ARHGEF18: variants seen among roughly 807,000 people sequenced by gnomAD.
ARHGEF18 encodes the protein Rho/Rac guanine nucleotide exchange factor 18.
A neutral mutation model predicts 155.7 loss-of-function variants in ARHGEF18; 93 were observed. The ratio of observed to expected loss-of-function variants is 0.60; its 90% CI spans 0.50 to 0.71. The LOEUF is 0.71. ARHGEF18 is among the 30% of genes least tolerant of loss of function. The pLI is 0.00. For missense variants in ARHGEF18, 1,593 were observed against 1,816.1 expected, an observed-to-expected ratio of 0.88 and a Z score of 2.23; for synonymous variants, 742 against 753.1, an observed-to-expected ratio of 0.99 and a Z score of 0.24.
At position 7,355,757 on chromosome 19, in the gene ARHGEF18, G is replaced by A. The variant is rs924133921; in HGVS notation, c.-111+6516G>A. The A allele has an allele frequency of 7.2e-6, 7 of 974,108 alleles. No individual in the cohort carries two copies. In the African/African-American group the frequency reaches 1.2e-4, roughly 17 times the overall value. The allele number at this position is 974,108 out of a possible 1,614,324, so 60.3% of individuals were successfully genotyped here. On this transcript the variant is annotated intron_variant, in intron 1 of 28. Transcript: ENST00000668164. ...CCATCCACCCAGGTGGGGATCCCAG[G>A]ACAGCCTGCCCGCCATCCCCCTTCG...
intron 2 of ARHGEF18, among the ~76,000 whole-genome samples, chr19:7,367,746 C>CAAAAA (rs776839774): frequency 2.8e-4 from 10 of 36,348 alleles, no homozygotes; most frequent in African/African-American, 1.4e-3. Flanking sequence ...AACTCCATCT[C>CAAAAA]AAAAAAAAAA....
intron 10 of ARHGEF18, among the ~76,000 whole-genome samples, chr19:7,424,722 G>A (rs374111439): frequency 5.9e-5 from 9 of 152,148 alleles, no homozygotes; most frequent in Admixed American, 2.6e-4. Flanking sequence ...TAGACTGGGC[G>A]CGGTGGCTCA....
chr19:7,398,504 A>G (rs1277852497), intron 10 of ARHGEF18, among the ~76,000 whole-genome samples: 1 of 152,020 alleles, frequency 6.6e-6, no homozygotes, highest in Non-Finnish European at 1.5e-5. Flanking sequence ...AGCCTGGCCA[A>G]CAGGGTGAAA....
chr19:7,397,142 A>T (rs1971758566), intron 10 of ARHGEF18, among the ~76,000 whole-genome samples: 1 of 151,544 alleles, frequency 6.6e-6, no homozygotes, highest in Non-Finnish European at 1.5e-5. Flanking sequence ...GTTCTAGAGC[A>T]AAAAAGAGCA....
intron 14 of ARHGEF18, among the ~76,000 whole-genome samples, chr19:7,446,240 G>T (rs1324149641): frequency 6.6e-6 from 1 of 151,650 alleles, no homozygotes. Context: ...AGGTGTGGTG[G>T]TGGCACCTGT....
intron 23 of ARHGEF18, 70 bp from the exon 24 acceptor site, chr19:7,466,848 G>GAAGAAGAAA: frequency 1.1e-5 from 8 of 753,112 alleles, no homozygotes; most frequent in South Asian, 3.7e-5. Flanking sequence ...AGAAGAAGAA[G>GAAGAAGAAA]AAGAAGGCTT....
chr19:7,413,964 T>C (rs910336259), intron 10 of ARHGEF18, among the ~76,000 whole-genome samples: 1 of 152,168 alleles, frequency 6.6e-6, no homozygotes, highest in Non-Finnish European at 1.5e-5. Context: ...AAGCTGGAGA[T>C]GACAGACAGC....
rs1976569670 is a variant in ARHGEF18, at chr19:7,465,749, G to C, written c.2904+1059G>C. On this transcript the variant is annotated intron_variant, in intron 23 of 28. Transcript: ENST00000668164. Reference sequence around the variant, plus strand: ...AGGCCATGAGTTTGAGACCAGCCTGGGCAACATAGCAAGACCACATGTCGA... The same window carrying C: ...AGGCCATGAGTTTGAGACCAGCCTGCGCAACATAGCAAGACCACATGTCGA... 2.6e-5 allele frequency among the ~76,000 whole-genome samples: 4 copies of C among 152,068 alleles called. No homozygotes were observed. In the South Asian group the frequency reaches 6.2e-4, roughly 24 times the overall value.
At chr19:7,435,879 G>C (rs1411166961) in intron 10 of ARHGEF18, among the ~76,000 whole-genome samples, 1 of 152,066 alleles carries the variant, frequency 6.6e-6, no homozygotes, top group Non-Finnish European at 1.5e-5. Flanking sequence ...TGTCACCCAG[G>C]CTGGAGTGCA....
intron 10 of ARHGEF18, among the ~76,000 whole-genome samples, chr19:7,429,337 T>C (rs774897544): frequency 2.3e-4 from 35 of 152,242 alleles, no homozygotes; most frequent in Admixed American, 7.9e-4. Context: ...GTGTGGCGGC[T>C]CATGCCTGTA....
chr19:7,467,751 G>T, intron 26 of ARHGEF18, 67 bp downstream of exon 26: 3 of 1,383,696 alleles, frequency 2.2e-6, no homozygotes, highest in Non-Finnish European at 2.8e-6. Context: ...TTGCACGAGT[G>T]CATGCAGGTG....
chr19:7,401,169 C>T (rs765277595), intron 10 of ARHGEF18, among the ~76,000 whole-genome samples: 15 of 152,264 alleles, frequency 9.9e-5, no homozygotes, highest in African/African-American at 1.9e-4. Flanking sequence ...CATCCTTGGG[C>T]GCTGGAGGCA....
In ARHGEF18 at chr19:7,378,882, G is replaced by A. The variant is rs957394432; in HGVS notation, c.600-240G>A. 4.0e-5 allele frequency among the ~76,000 whole-genome samples: 6 copies of A among 151,780 alleles called. No homozygotes were observed. The South Asian group carries it at 6.2e-4, about 16-fold the overall frequency. On this transcript the variant is annotated intron_variant, in intron 6 of 28. Transcript: ENST00000668164. ...TAATTTTTGTATTTCTAGTACAGAC[G>A]GGGTTTCACCATGTTGGCCAGGCTG...
chr19:7,361,312 C>A (rs920016382), intron 1 of ARHGEF18, among the ~76,000 whole-genome samples: 1 of 152,144 alleles, frequency 6.6e-6, no homozygotes, highest in African/African-American at 2.4e-5. Context: ...GTGGTGCATA[C>A]GTGTAATCCC....
intron 10 of ARHGEF18, among the ~76,000 whole-genome samples, chr19:7,384,477 G>A (rs1247639513): frequency 1.3e-5 from 2 of 152,212 alleles, no homozygotes; most frequent in African/African-American, 4.8e-5. Context: ...TTTTGCATTT[G>A]TTGGCTTTAC....
rs2287913 is a variant in ARHGEF18 at position 7,459,885 on chromosome 19, C to T, written c.2361-18C>T. On this transcript the variant is annotated intron_variant, in intron 19 of 28. Coordinates refer to ENST00000668164, the MANE Select transcript of ARHGEF18 (RefSeq NM_001367823.1). ...TGCCTGGGAAGCACAGTTACCCACCCGACTCCTCTCCCTGCAGCTGCCCTG... is the reference window on the plus strand; with the variant it reads ...TGCCTGGGAAGCACAGTTACCCACCTGACTCCTCTCCCTGCAGCTGCCCTG... The T allele has an allele frequency of 7.4e-3, 11,518 of 1,556,602 alleles. 425 individuals are homozygous for T. The East Asian group carries it at 0.13, about 18-fold the overall frequency.
rs1313479628 is a variant in ARHGEF18, at chr19:7,462,924, C to T, written c.2635+590C>T. Among the ~76,000 whole-genome samples, 2 of 151,494 alleles carry T rather than the reference C, an allele frequency of 1.3e-5. No homozygotes were observed. The highest frequency in any genetic ancestry group is 4.9e-5 in the African/African-American group (2 of 41,188). On this transcript the variant is annotated intron_variant, in intron 21 of 28. Transcript: ENST00000668164. This position sits in a 1 kb window ranked among gnomAD's most constrained non-coding sequence, Gnocchi z 4.4. ...TGATCTCGGCTCACTGCAACCTCCA[C>T]CTCCTGGGTTTAAGTAATTCTGCCT...
At chr19:7,358,270 CTT>C (rs1969404541) in intron 1 of ARHGEF18, among the ~76,000 whole-genome samples, 2 of 140,118 alleles carry the variant, frequency 1.4e-5, no homozygotes, top group South Asian at 4.4e-4. Flanking sequence ...TCCATCCATT[CTT>C]CCATCCATCC....
chr19:7,456,707 C>G (rs1975849755), intron 18 of ARHGEF18, among the ~76,000 whole-genome samples: 1 of 152,172 alleles, frequency 6.6e-6, no homozygotes, highest in African/African-American at 2.4e-5. Context: ...CGCCACTGCT[C>G]TCCCGCCTGG....
Sources: allele counts gnomAD v4.1 joint callset (sites outside exome capture counted in the v4.1 genomes callset), GRCh38; gene constraint gnomAD v4.1.1; non-coding constraint Gnocchi (gnomAD v3.1); transcripts MANE v1.5; gene names NCBI Gene and HGNC (gene_info 2026-07-23, HGNC 2026-07-21).